SH2D6: variants seen among roughly 807,000 people sequenced by gnomAD.
SH2D6 encodes the protein SH2 domain-containing protein 6.
A neutral mutation model predicts 30.2 loss-of-function variants in SH2D6; 31 were observed. The observed-to-expected ratio is 1.03, with a 90% CI of 0.77 to 1.38. The LOEUF (loss-of-function observed/expected upper bound fraction) is 1.38. SH2D6 is among the 40% of genes most tolerant of loss of function. The pLI is 0.00. For missense variants in SH2D6, 240 were observed against 266.8 expected, an observed-to-expected ratio of 0.90 and a Z score of 0.70; for synonymous variants, 93 against 104.6, an observed-to-expected ratio of 0.89 and a Z score of 0.68.
chr2:85,434,404 A>AG, intron 18 of SH2D6, 34 bp downstream of exon 18: 1 of 1,550,548 alleles, frequency 6.4e-7, no homozygotes, highest in Non-Finnish European at 8.7e-7. Context: ...GAAGAGAGGG[A>AG]GGCAGGGAGG....
chr2:85,424,588 A>G (rs768433656), intron 5 of SH2D6, among the ~76,000 whole-genome samples: 38 of 152,020 alleles, frequency 2.5e-4, no homozygotes, highest in Non-Finnish European at 5.0e-4. Context: ...CATGTCTACA[A>G]AAAATGTTTA....
In SH2D6 at chr2:85,436,488, T is replaced by C. The variant is rs1044133644; in HGVS notation, c.914T>C (p.Met305Thr). ...CAGCTCTTCTCCTCCGTGGCGGCCA[T>C]GGTCCAGCACTTCATGTGGCACCCT... ...REELFSSVAA[M>T]VQHFMWHPLP... Residue 305 changes from methionine (M) to threonine (T), a missense_variant, in exon 23 of 24, where the codon ATG becomes ACG. Transcript: ENST00000469800. 37 of 1,613,672 alleles carry C rather than the reference T, an allele frequency of 2.3e-5. No individual in the cohort carries two copies. Among genetic ancestry groups the C allele is most frequent in the Non-Finnish European group, 3.1e-5 (36 of 1,179,982 alleles).
rs1029304378 is a variant in SH2D6, at chr2:85,428,601, G to A, written c.-191G>A. ...CTGCACAGACAAGAGGCCATGTGAG[G>A]ACACAGAGAAAGCAGCCGTTTACAA... On this transcript the variant is annotated 5_prime_UTR_variant, in exon 7 of 24. Transcript: ENST00000469800. The A allele has an allele frequency of 1.3e-5, 2 of 152,138 alleles. No individual in the cohort carries two copies. Among genetic ancestry groups the A allele is most frequent in the African/African-American group, 4.8e-5 (2 of 41,410 alleles). The allele number at this position is 152,138 out of a possible 1,614,324, so 9.4% of individuals were successfully genotyped here.
chr2:85,434,263 G>C (rs1325912289), intron 17 of SH2D6, 77 bp from the exon 18 acceptor site: 14 of 1,515,560 alleles, frequency 9.2e-6, no homozygotes, highest in Non-Finnish European at 1.2e-5. Context: ...GGGCAGCTTG[G>C]AATGCTGGGT....
rs1689526416 is a variant in SH2D6, at chr2:85,436,931, C to T, written c.*107C>T. ...GACAGCACAGGCACTGCTGGAACAGCAAAGGATCCTCTCACATCTACTTGT... is the reference window on the plus strand; with the variant it reads ...GACAGCACAGGCACTGCTGGAACAGTAAAGGATCCTCTCACATCTACTTGT... On this transcript the variant is annotated 3_prime_UTR_variant, in exon 24 of 24. Coordinates refer to ENST00000469800, the MANE Select transcript of SH2D6 (RefSeq NM_001394463.1). 1 of 246,536 alleles carries T rather than the reference C, an allele frequency of 4.1e-6. No homozygotes were observed. The highest frequency in any genetic ancestry group is 5.2e-5 in the Admixed American group (1 of 19,166). The allele number at this position is 246,536 out of a possible 1,614,324, so 15.3% of individuals were successfully genotyped here.
At chr2:85,433,654 G>T (rs1046133675) in intron 16 of SH2D6, 23 bp downstream of exon 16, 13 of 1,043,904 alleles carry the variant, frequency 1.2e-5, no homozygotes, top group Middle Eastern at 4.6e-4. Flanking sequence ...CTCAGCTCCA[G>T]ACCCCTCCTG....
At chr2:85,424,936 C>A (rs369458629) in intron 5 of SH2D6, among the ~76,000 whole-genome samples, 1 of 152,020 alleles carries the variant, frequency 6.6e-6, no homozygotes, top group Non-Finnish European at 1.5e-5. Context: ...CATGGTGATG[C>A]GCGCCTGTGG....
chr2:85,434,628 A>AAAAAAAAC, intron 19 of SH2D6, 131 bp downstream of exon 19: 1 of 1,369,980 alleles, frequency 7.3e-7, no homozygotes, highest in Admixed American at 2.6e-5. Flanking sequence ...AAAAAAAAAA[A>AAAAAAAAC]AAAAAAACTA....
chr2:85,430,083 G>A lies in SH2D6; in HGVS notation c.64+68G>A, dbSNP rs1454282165. 6.6e-6 allele frequency: 1 copy of A among 152,612 alleles called. No individual in the cohort carries two copies. Among genetic ancestry groups the A allele is most frequent in the Non-Finnish European group, 1.5e-5 (1 of 68,146 alleles). 9.5% of individuals were successfully genotyped at this position (152,612 alleles called of 1,614,324 possible). ...CCCTTGCAAGTCAGGTCCCCCCTGA[G>A]TGACTCTGCACACCTCCTGCCTCCC... On this transcript the variant is annotated intron_variant, in intron 10 of 23. Transcript: ENST00000469800. This position sits in a 1 kb window ranked among gnomAD's most constrained non-coding sequence, Gnocchi z 4.3.
At position 85,427,538 on chromosome 2, in the gene SH2D6, C is replaced by G. The variant is rs137957090; in HGVS notation, c.-208-1046C>G. On this transcript the variant is annotated intron_variant, in intron 6 of 23. Coordinates refer to ENST00000469800, the MANE Select transcript of SH2D6 (RefSeq NM_001394463.1). ...TGCCTATGCAAAGCCCTGAGCAGAGCAGGGAGGTGGCTGGAGTGAGGGCAG... is the reference window on the plus strand; with the variant it reads ...TGCCTATGCAAAGCCCTGAGCAGAGGAGGGAGGTGGCTGGAGTGAGGGCAG... 4.1e-4 allele frequency among the ~76,000 whole-genome samples: 63 copies of G among 152,306 alleles called. 3 individuals carry two copies. Among genetic ancestry groups the G allele is most frequent in the African/African-American group, 1.4e-3 (57 of 41,574 alleles).
intron 5 of SH2D6, among the ~76,000 whole-genome samples, chr2:85,423,160 C>T (rs142460654): frequency 0.085 from 12,891 of 151,878 alleles, 592 homozygotes; most frequent in South Asian, 0.16. Flanking sequence ...AGTGATGGGA[C>T]TACAGGCGTG....
chr2:85,428,778 C>T (rs1688283914), intron 7 of SH2D6, 81 bp downstream of exon 7: 1 of 152,210 alleles, frequency 6.6e-6, no homozygotes, highest in Non-Finnish European at 1.5e-5. Context: ...CTAATACACT[C>T]AGTTTCCTCA....
In SH2D6 at chr2:85,435,410, C is replaced by G; in HGVS notation, c.649-3C>G. ...GTTTCTGAGTGACTGTGTGTATGCA[C>G]AGGACAGTGATCTGCTGACTCAGCC... On this transcript the variant is annotated splice_polypyrimidine_tract_variant and splice_region_variant and intron_variant, in intron 20 of 23. Coordinates refer to ENST00000469800, the MANE Select transcript of SH2D6 (RefSeq NM_001394463.1). 6.2e-7 allele frequency: 1 copy of G among 1,613,436 alleles called. No homozygotes were observed. The highest frequency in any genetic ancestry group is 1.3e-5 in the African/African-American group (1 of 75,048).
intron 16 of SH2D6, 111 bp downstream of exon 16, chr2:85,433,742 C>G (rs1689048285): frequency 2.4e-6 from 2 of 837,858 alleles, no homozygotes; most frequent in Non-Finnish European, 3.3e-6. Flanking sequence ...TCACCACCCC[C>G]CACCAACACG....
chr2:85,435,170 G>C (rs766461890), intron 20 of SH2D6, 47 bp downstream of exon 20: 50 of 1,572,916 alleles, frequency 3.2e-5, no homozygotes, highest in Non-Finnish European at 4.2e-5. Flanking sequence ...TCCGGGAGCA[G>C]AGCCTGAGAG....
At chr2:85,425,899 G>T (rs1400437882) in intron 6 of SH2D6, among the ~76,000 whole-genome samples, 1 of 152,210 alleles carries the variant, frequency 6.6e-6, no homozygotes, top group Non-Finnish European at 1.5e-5. Flanking sequence ...CTGGCACGGG[G>T]CCTCTGGCTG....
At chr2:85,420,095 T>C (rs968370107) in intron 2 of SH2D6, among the ~76,000 whole-genome samples, 2 of 150,638 alleles carry the variant, frequency 1.3e-5, no homozygotes, top group African/African-American at 5.0e-5. Context: ...CGTTCTGTTT[T>C]GTTTGTTTGT....
At position 85,434,717 on chromosome 2, in the gene SH2D6, T is replaced by C. The variant is rs1689197226; in HGVS notation, c.589+220T>C. 11 of 1,409,740 alleles carry C rather than the reference T, an allele frequency of 7.8e-6. 1 individual carries two copies. In the South Asian group the frequency reaches 1.7e-4, roughly 21 times the overall value. 87.3% of individuals were successfully genotyped at this position (1,409,740 alleles called of 1,614,324 possible). ...CCAGCCCCAGCCCTGCAGGCCAGACTCCCTCAGGCCCCAAGTTACTGAGGA... is the reference window on the plus strand; with the variant it reads ...CCAGCCCCAGCCCTGCAGGCCAGACCCCCTCAGGCCCCAAGTTACTGAGGA... On this transcript the variant is annotated intron_variant, in intron 19 of 23. Coordinates refer to ENST00000469800, the MANE Select transcript of SH2D6 (RefSeq NM_001394463.1).
intron 5 of SH2D6, among the ~76,000 whole-genome samples, chr2:85,424,895 G>A (rs1687921649): frequency 6.6e-6 from 1 of 152,120 alleles, no homozygotes; most frequent in South Asian, 2.1e-4. Flanking sequence ...GTGAAACCCC[G>A]TCTGTACTAA....
Sources: gnomAD v4.1 joint callset for allele counts (sites outside exome capture counted in the v4.1 genomes callset) on GRCh38, gnomAD v4.1.1 for gene constraint, Gnocchi (gnomAD v3.1) non-coding constraint, MANE v1.5 for transcripts, NCBI Gene and HGNC (gene_info 2026-07-23, HGNC 2026-07-21) for gene names.